Variants in ARHGEF38 observed in about 807,000 individuals in gnomAD.
ARHGEF38 encodes Rho guanine nucleotide exchange factor 38.
In ARHGEF38, 79 loss-of-function variants were observed where a neutral mutation model predicts 79.9. The ratio of observed to expected loss-of-function variants is 0.99; its 90% CI spans 0.82 to 1.19. ARHGEF38 has a LOEUF of 1.19. Among genes scored for constraint, ARHGEF38 ranks in the 50% most tolerant of loss-of-function variants. The probability of loss-of-function intolerance (pLI) is 0.00; values close to 1 mark genes in which losing one functional copy is unlikely to be tolerated. For missense variants in ARHGEF38, 962 were observed against 907.2 expected, an observed-to-expected ratio of 1.06 and a Z score of -0.78; for synonymous variants, 366 against 328.3, an observed-to-expected ratio of 1.11 and a Z score of -1.24.
At chr4:105,648,988 C>T (rs1729978115) in intron 7 of ARHGEF38, among the ~76,000 whole-genome samples, 1 of 152,084 alleles carries the variant, frequency 6.6e-6, no homozygotes, top group Non-Finnish European at 1.5e-5. Flanking sequence ...CCCAGGAGTC[C>T]TGATGCTCAT....
intron 1 of ARHGEF38, among the ~76,000 whole-genome samples, chr4:105,572,746 C>T (rs1422978531): frequency 6.6e-6 from 1 of 152,046 alleles, no homozygotes; most frequent in Non-Finnish European, 1.5e-5. Flanking sequence ...GAATAATATT[C>T]CATTTTCTGA....
intron 10 of ARHGEF38, among the ~76,000 whole-genome samples, chr4:105,661,613 A>C (rs1730568477): frequency 6.6e-6 from 1 of 151,678 alleles, no homozygotes; most frequent in Non-Finnish European, 1.5e-5. Context: ...ATTAAATTGA[A>C]GTAATAACTT....
In ARHGEF38 at chr4:105,659,164, C is replaced by T; in HGVS notation, c.1344C>T (p.Asn448=). 1 of 1,536,154 alleles carries T rather than the reference C, an allele frequency of 6.5e-7. No homozygotes were observed. The highest frequency in any genetic ancestry group is 8.7e-7 in the Non-Finnish European group (1 of 1,146,866). The change falls in exon 10 of 14, where the codon AAC becomes AAT. Residue 448 remains asparagine, a synonymous_variant. Transcript: ENST00000420470. The part of the protein sequence containing the change: ...QKRYDKLLDC[N]SYLQRSTGEE... ...GCTATGACAAACTGCTGGATTGCAA[C>T]AGCTACCTGCAGCGATCAACGGGAG...
intron 5 of ARHGEF38, among the ~76,000 whole-genome samples, chr4:105,636,647 A>T (rs1326281696): frequency 6.6e-6 from 1 of 152,064 alleles, no homozygotes; most frequent in Non-Finnish European, 1.5e-5. Flanking sequence ...CATATAATTT[A>T]CTAAGTTTGC....
At chr4:105,557,591 T>G (rs1277066242) in intron 1 of ARHGEF38, among the ~76,000 whole-genome samples, 3 of 101,048 alleles carry the variant, frequency 3.0e-5, no homozygotes, top group Admixed American at 1.0e-4. Flanking sequence ...ATGGGATTAG[T>G]GACCCTTAAA....
intron 2 of ARHGEF38, among the ~76,000 whole-genome samples, chr4:105,600,375 C>T (rs1187124549): frequency 6.6e-6 from 1 of 152,166 alleles, no homozygotes; most frequent in Non-Finnish European, 1.5e-5. Flanking sequence ...GACCTGTTGG[C>T]AGCATTTGAC....
At chr4:105,629,762 C>T (rs1729105711) in intron 3 of ARHGEF38, among the ~76,000 whole-genome samples, 1 of 151,826 alleles carries the variant, frequency 6.6e-6, no homozygotes, top group African/African-American at 2.4e-5. Flanking sequence ...AGTTATAGAC[C>T]CTATTTCATC....
Position 105,667,468 on chromosome 4 carries a change from C to T in ARHGEF38, c.1913C>T (p.Ser638Phe). The T allele has an allele frequency of 6.5e-7, 1 of 1,536,198 alleles. No individual in the cohort carries two copies. The highest frequency in any genetic ancestry group is 2.4e-5 in the East Asian group (1 of 40,924). ...GATGTGAAAGGATATGTTTATTCCT[C>T]CTTCCTAAAACCCTACAATCCAGCA... ...TGNVKGYVYS[S>F]FLKPYNPAKM... The change falls in exon 13 of 14, where the codon TCC becomes TTC. Residue 638 changes from serine to phenylalanine, a missense_variant. Physicochemically the swap from Ser to Phe is radical, Grantham distance 155. Transcript: ENST00000420470.
chr4:105,623,889 C>A (rs1728839823), intron 3 of ARHGEF38, among the ~76,000 whole-genome samples: 1 of 152,178 alleles, frequency 6.6e-6, no homozygotes, highest in South Asian at 2.1e-4. Context: ...TGCTCAGCTG[C>A]TAGCCACCTC....
intron 1 of ARHGEF38, among the ~76,000 whole-genome samples, chr4:105,567,996 T>C (rs1430680390): frequency 1.4e-5 from 2 of 139,028 alleles, no homozygotes; most frequent in Non-Finnish European, 3.0e-5. Context: ...TGTGATCTCA[T>C]TGTTCAATTC....
intron 1 of ARHGEF38, among the ~76,000 whole-genome samples, chr4:105,587,541 A>G (rs1389358176): frequency 2.0e-5 from 3 of 152,162 alleles, no homozygotes; most frequent in African/African-American, 7.2e-5. Context: ...GCTCACTGCA[A>G]GCTCCACCTC....
intron 2 of ARHGEF38, among the ~76,000 whole-genome samples, chr4:105,609,769 G>A (rs966800111): frequency 2.6e-5 from 4 of 152,048 alleles, no homozygotes; most frequent in South Asian, 4.1e-4. Flanking sequence ...AAGTACTTTT[G>A]TAAAGCAATA....
chr4:105,613,356 A>G lies in ARHGEF38; in HGVS notation c.385-28A>G, dbSNP rs758735791. 5 of 1,607,096 alleles carry G rather than the reference A, an allele frequency of 3.1e-6. No individual in the cohort carries two copies. The Admixed American group carries it at 8.4e-5, about 27-fold the overall frequency. Reference sequence around the variant, plus strand: ...AACATCCTAAATACAGTGCTTCTCCATCAGCTCAATGTTTTTTGTTTCTTC... The same window carrying G: ...AACATCCTAAATACAGTGCTTCTCCGTCAGCTCAATGTTTTTTGTTTCTTC... On this transcript the variant is annotated intron_variant, in intron 2 of 13. Coordinates refer to ENST00000420470, the MANE Select transcript of ARHGEF38 (RefSeq NM_001242729.2).
intron 5 of ARHGEF38, among the ~76,000 whole-genome samples, chr4:105,639,849 C>G (rs967896882): frequency 6.6e-6 from 1 of 151,986 alleles, no homozygotes; most frequent in African/African-American, 2.4e-5. Context: ...TTTGAGTATT[C>G]TTGCATATTC....
In ARHGEF38 at chr4:105,552,841, C is replaced by T. The variant is rs138889321; in HGVS notation, c.76C>T (p.Leu26Phe). The T allele has an allele frequency of 6.2e-7, 1 of 1,613,764 alleles. No homozygotes were observed. The highest frequency in any genetic ancestry group is 1.7e-5 in the Admixed American group (1 of 59,978). ...GAATCTGGCCTTCTTGAGGTCTAGA[C>T]TCTATATGCTGGAGAGAAGGAAGAC... ...KKNLAFLRSR[L>F]YMLERRKTDT... Residue 26 changes from leucine (L) to phenylalanine (F), a missense_variant, in exon 1 of 14, where the codon CTC (leucine) becomes TTC (phenylalanine). Transcript: ENST00000420470.
At chr4:105,653,938 T>C (rs1730216890) in intron 7 of ARHGEF38, 127 bp from the exon 8 acceptor site, 2 of 439,472 alleles carry the variant, frequency 4.6e-6, no homozygotes, top group Admixed American at 3.6e-5. Flanking sequence ...ACAGACAGCA[T>C]GTCATCAAAT....
In ARHGEF38 at chr4:105,631,024, G is replaced by C; in HGVS notation, c.635G>C (p.Ser212Thr). The C allele has an allele frequency of 6.2e-7, 1 of 1,613,594 alleles. No homozygotes were observed. Among genetic ancestry groups the C allele is most frequent in the Non-Finnish European group, 8.5e-7 (1 of 1,179,778 alleles). The change falls in exon 4 of 14, where the codon AGC (serine) becomes ACC (threonine). Residue 212 changes from serine (S) to threonine (T), a missense_variant. By Grantham distance (58) the Ser-to-Thr change is moderately conservative. Transcript: ENST00000420470. ...GAAGAAGAGCTGAAGGAACATTTGA[G>C]CCACTGTATCCAGTCCTTAAAGTAA... is the stretch of plus-strand genomic sequence containing the variant. ...EKEEELKEHL[S>T]HCIQSLKKIY...
chr4:105,573,607 T>C (rs1726341976), intron 1 of ARHGEF38, among the ~76,000 whole-genome samples: 1 of 152,208 alleles, frequency 6.6e-6, no homozygotes, highest in South Asian at 2.1e-4. Context: ...TACCACAATA[T>C]GTTGATTTCC....
intron 3 of ARHGEF38, 38 bp downstream of exon 3, chr4:105,613,545 G>T: frequency 1.3e-6 from 2 of 1,599,444 alleles, no homozygotes; most frequent in Non-Finnish European, 1.7e-6. Flanking sequence ...CAATACAACA[G>T]GAAATAATTT....
Sources: gnomAD v4.1 joint callset for allele counts (sites outside exome capture counted in the v4.1 genomes callset) on GRCh38, gnomAD v4.1.1 for gene constraint, MANE v1.5 for transcripts, NCBI Gene and HGNC (gene_info 2026-07-23, HGNC 2026-07-21) for gene names.